PRKCI: variants seen among roughly 807,000 people sequenced by gnomAD.
PRKCI encodes protein kinase C iota, also known as protein kinase C iota type.
PRKCI carries 43 observed loss-of-function variants against 84.0 expected under a neutral mutation model. That is an observed-to-expected ratio of 0.51 (90% CI 0.40 to 0.66). PRKCI has a LOEUF of 0.66. PRKCI is among the 30% of genes least tolerant of loss of function. PRKCI has a pLI of 0.00. For missense variants in PRKCI, 459 were observed against 745.6 expected (o/e 0.62, Z 4.48); for synonymous variants, 216 against 234.4 (o/e 0.92, Z 0.72).
intron 12 of PRKCI, among the ~76,000 whole-genome samples, chr3:170,289,798 G>A (rs1227532716): frequency 2.0e-5 from 3 of 152,130 alleles, no homozygotes; most frequent in Non-Finnish European, 2.9e-5. Flanking sequence ...TGTAATCCCA[G>A]CTACTTGGGA....
chr3:170,238,896 T>G (rs1733050623), intron 2 of PRKCI, among the ~76,000 whole-genome samples: 1 of 152,124 alleles, frequency 6.6e-6, no homozygotes, highest in African/African-American at 2.4e-5. Flanking sequence ...CAGCCTTATT[T>G]ATTTATTTCT....
At chr3:170,261,757 T>G in intron 3 of PRKCI, among the ~76,000 whole-genome samples, 1 of 152,230 alleles carries the variant, frequency 6.6e-6, no homozygotes, top group East Asian at 1.9e-4. Flanking sequence ...GTTCTGGGAT[T>G]ACAGGCGTCA....
chr3:170,301,139 G>A (rs376043144), intron 17 of PRKCI, among the ~76,000 whole-genome samples: 65 of 152,284 alleles, frequency 4.3e-4, no homozygotes, highest in African/African-American at 1.4e-3. Context: ...CCCCAAAAGC[G>A]TGCTGTCTAC....
At chr3:170,300,260 C>G (rs1344891204) in intron 17 of PRKCI, among the ~76,000 whole-genome samples, 4 of 152,194 alleles carry the variant, frequency 2.6e-5, no homozygotes, top group Non-Finnish European at 5.9e-5. Flanking sequence ...ACCTCTCTGA[C>G]GTGACCTTGC....
chr3:170,249,113 G>T (rs1038469650), intron 2 of PRKCI, among the ~76,000 whole-genome samples: 17 of 152,046 alleles, frequency 1.1e-4, no homozygotes, highest in Non-Finnish European at 2.5e-4. Context: ...CTCCCAAAGC[G>T]CTGGGATTAC....
intron 7 of PRKCI, among the ~76,000 whole-genome samples, chr3:170,274,209 G>C (rs1734062953): frequency 6.6e-6 from 1 of 152,060 alleles, no homozygotes; most frequent in Admixed American, 6.6e-5. Context: ...TCGGCTCACT[G>C]CATCCTCCAC....
chr3:170,234,503 G>A lies in PRKCI; in HGVS notation c.102-727G>A, dbSNP rs146665000. On this transcript the variant is annotated intron_variant, in intron 1 of 17. Coordinates refer to ENST00000295797, the MANE Select transcript of PRKCI (RefSeq NM_002740.6). ...GACTTTGATAAGGAAGTTATATTTCGATGATATCCAGTGTAACTAATTTTT... is the reference window on the plus strand; with the variant it reads ...GACTTTGATAAGGAAGTTATATTTCAATGATATCCAGTGTAACTAATTTTT... Among the ~76,000 whole-genome samples, 47 of 152,176 alleles carry A rather than the reference G, an allele frequency of 3.1e-4. 1 individual carries two copies. The East Asian group carries it at 8.5e-3, about 27-fold the overall frequency.
chr3:170,293,269 A>AT, intron 13 of PRKCI, 114 bp from the exon 14 acceptor site: 1 of 1,043,234 alleles, frequency 9.6e-7, no homozygotes, highest in Non-Finnish European at 1.4e-6. Context: ...GTTGGAATGC[A>AT]TTTAGAGTTT....
intron 12 of PRKCI, among the ~76,000 whole-genome samples, chr3:170,286,272 A>G (rs943906378): frequency 9.9e-5 from 15 of 152,014 alleles, no homozygotes; most frequent in Non-Finnish European, 2.1e-4. Context: ...AACAATTAGA[A>G]AGCTTAGCGA....
intron 7 of PRKCI, 111 bp downstream of exon 7, chr3:170,273,451 A>G (rs996489508): frequency 2.0e-5 from 20 of 994,562 alleles, no homozygotes; most frequent in East Asian, 1.5e-4. Context: ...TCCCAATTAA[A>G]AGTAAATACA....
At chr3:170,235,659 G>C (rs1413768144) in intron 2 of PRKCI, among the ~76,000 whole-genome samples, 1 of 149,890 alleles carries the variant, frequency 6.7e-6, no homozygotes. Flanking sequence ...TCCACCTCCC[G>C]GGTTCAAGCG....
intron 1 of PRKCI, among the ~76,000 whole-genome samples, chr3:170,223,572 C>T (rs1732552388): frequency 6.6e-6 from 1 of 152,156 alleles, no homozygotes; most frequent in Non-Finnish European, 1.5e-5. Flanking sequence ...CATTTTCTAT[C>T]AGTGACGCAA....
At chr3:170,246,366 T>C (rs542459169) in intron 2 of PRKCI, among the ~76,000 whole-genome samples, 54 of 152,238 alleles carry the variant, frequency 3.5e-4, no homozygotes, top group African/African-American at 1.3e-3. Flanking sequence ...TTGGCCAGGC[T>C]GGTCTTGAAC....
In PRKCI at chr3:170,293,555, A is replaced by G. The variant is rs142145927; in HGVS notation, c.1417+47A>G. Reference sequence around the variant, plus strand: ...AGATTCTCTGAGAAAAACCTATTCTAGAGTACAAATGAGAGTGATTCAGGT... The same window carrying G: ...AGATTCTCTGAGAAAAACCTATTCTGGAGTACAAATGAGAGTGATTCAGGT... On this transcript the variant is annotated intron_variant, in intron 14 of 17. Transcript: ENST00000295797. 20 of 1,582,694 alleles carry G rather than the reference A, an allele frequency of 1.3e-5. No individual in the cohort carries two copies. The East Asian group carries it at 4.5e-4, about 35-fold the overall frequency.
chr3:170,265,812 T>G (rs1157419646), intron 4 of PRKCI, among the ~76,000 whole-genome samples: 3 of 151,634 alleles, frequency 2.0e-5, no homozygotes, highest in Non-Finnish European at 2.9e-5. Flanking sequence ...GGGTTTTGTA[T>G]TTTTAGTAGA....
chr3:170,284,043 T>G (rs1003529462), intron 11 of PRKCI, among the ~76,000 whole-genome samples: 1 of 152,150 alleles, frequency 6.6e-6, no homozygotes, highest in Non-Finnish European at 1.5e-5. Context: ...CTTTCTATTC[T>G]CGACCCCATT....
chr3:170,273,388 G>A (rs749716703), intron 7 of PRKCI, 48 bp downstream of exon 7: 12 of 1,560,616 alleles, frequency 7.7e-6, no homozygotes, highest in Non-Finnish European at 9.7e-6. Flanking sequence ...AGAGTAGCAT[G>A]TAAAGACTTA....
At chr3:170,233,044 G>A (rs1319423990) in intron 1 of PRKCI, among the ~76,000 whole-genome samples, 7 of 151,696 alleles carry the variant, frequency 4.6e-5, no homozygotes, top group Non-Finnish European at 1.0e-4. Flanking sequence ...GATACTTTGA[G>A]ATTATATGAA....
rs1734881858 is a variant in PRKCI at position 170,303,754 on chromosome 3, T to G, written c.*627T>G. 2 of 204,016 alleles carry G rather than the reference T, an allele frequency of 9.8e-6. No homozygotes were observed. Among genetic ancestry groups the G allele is most frequent in the African/African-American group, 4.6e-5 (2 of 43,696 alleles). The allele number at this position is 204,016 out of a possible 1,614,324, so 12.6% of individuals were successfully genotyped here. On this transcript the variant is annotated 3_prime_UTR_variant, in exon 18 of 18. Coordinates refer to ENST00000295797, the MANE Select transcript of PRKCI (RefSeq NM_002740.6). ...CTCAATGCCTGTGATCCCAGTACTT[T>G]GGGAGGTTGAGGCGGGCAGATCACT... is the stretch of plus-strand genomic sequence containing the variant.
Sources: gnomAD v4.1 joint callset for allele counts (sites outside exome capture counted in the v4.1 genomes callset) on GRCh38, gnomAD v4.1.1 for gene constraint, MANE v1.5 for transcripts, NCBI Gene and HGNC (gene_info 2026-07-23, HGNC 2026-07-21) for gene names.